FXYD2: variants seen among roughly 807,000 people sequenced by gnomAD.
FXYD2 encodes the protein sodium/potassium-transporting ATPase subunit gamma.
A neutral mutation model predicts 11.8 loss-of-function variants in FXYD2; 8 were observed. The observed-to-expected ratio is 0.68, with a 90% confidence interval of 0.40 to 1.22. The LOEUF (loss-of-function observed/expected upper bound fraction) is 1.22, where lower values mean the gene tolerates loss of function less well. Among genes scored for constraint, FXYD2 ranks in the 50% most tolerant of loss-of-function variants. The probability of loss-of-function intolerance (pLI) is 0.01; values close to 1 mark genes in which losing one functional copy is unlikely to be tolerated. For synonymous variants in FXYD2, 42 were observed against 33.3 expected (o/e 1.26, Z -0.90); for missense variants, 92 against 91.8 (o/e 1.00, Z -0.01).
chr11:117,827,063 G>A (rs2056055616), upstream of FXYD2, among the ~76,000 whole-genome samples: 1 of 148,306 alleles, frequency 6.7e-6, no homozygotes. Context: ...CCAACAGATG[G>A]ATGGATAGAT....
rs1164864928 is a variant in FXYD2 at position 117,822,694 on chromosome 11, C to G, written c.49G>C (p.Asp17His). 1 of 1,610,536 alleles carries G rather than the reference C, an allele frequency of 6.2e-7. No homozygotes were observed. Among genetic ancestry groups the G allele is most frequent in the East Asian group, 2.2e-5 (1 of 44,746 alleles). Residue 17 changes from aspartate (D) to histidine (H), a missense_variant, in exon 2 of 6, where the codon GAC becomes CAC. Physicochemically the swap from Asp to His is moderately conservative, Grantham distance 81 (BLOSUM62 -1). Transcript: ENST00000292079. The surrounding 1 kb of genome is among the most constrained non-coding windows in gnomAD (Gnocchi z 4.7). The part of the protein sequence containing the change: ...DGGGSPKGDV[D>H]PFYYDYETVR... ...CCAGGCTTACCATAGTAGAACGGGT[C>G]CACGTCCCCCTTGGGGCTGCCGCCT...
chr11:117,820,995 A>G, intron 3 of FXYD2, 100 bp from the exon 4 acceptor site: 2 of 1,555,756 alleles, frequency 1.3e-6, no homozygotes, highest in Admixed American at 1.7e-5. Context: ...CCCTCCTGCC[A>G]GTATCATCGC....
upstream of FXYD2, among the ~76,000 whole-genome samples, chr11:117,827,216 T>C (rs1047939303): frequency 6.6e-6 from 1 of 152,214 alleles, no homozygotes; most frequent in African/African-American, 2.4e-5. Flanking sequence ...TTTTAAACTC[T>C]GTGTGCAAGG....
At chr11:117,821,573 G>C (rs1565300486) in intron 3 of FXYD2, 1 of 985,882 alleles carries the variant, frequency 1.0e-6, no homozygotes, top group Non-Finnish European at 1.2e-6. Flanking sequence ...CCCTTGCTTA[G>C]GCCACCTGCC....
At chr11:117,826,778 G>GTCTGTCTATCTGTCTGTCTA (rs1344802450), upstream of FXYD2, among the ~76,000 whole-genome samples, 1 of 125,780 alleles carries the variant, frequency 8.0e-6, no homozygotes, top group East Asian at 2.3e-4. Flanking sequence ...CTGTCTGTCT[G>GTCTGTCTATCTGTCTGTCTA]TCTATCTATC....
chr11:117,822,807 G>C lies in FXYD2; in HGVS notation c.26-90C>G. The C allele has an allele frequency of 6.6e-7, 1 of 1,525,416 alleles. No homozygotes were observed. The highest frequency in any genetic ancestry group is 1.2e-5 in the South Asian group (1 of 84,632). 94.5% of individuals were successfully genotyped at this position (1,525,416 alleles called of 1,614,324 possible). A position where few individuals can be genotyped will look rare whatever the true frequency, so the allele number is the denominator to read the frequency against. ...GGAATTCCCTGTCCTTCCCTTCCCA[G>C]AGGACCCTCGAGGGTCCAAGCAGGC... On this transcript the variant is annotated intron_variant, in intron 1 of 5. Coordinates refer to ENST00000292079, the MANE Select transcript of FXYD2 (RefSeq NM_001680.5). The surrounding 1 kb of genome is among the most constrained non-coding windows in gnomAD (Gnocchi z 4.7).
upstream of FXYD2, chr11:117,824,783 A>T: frequency 7.1e-7 from 1 of 1,405,590 alleles, no homozygotes; most frequent in Non-Finnish European, 9.9e-7. The surrounding 1 kb of genome is among the most constrained non-coding windows in gnomAD (Gnocchi z 4.0). Flanking sequence ...AGGTGCGGGC[A>T]TTAAACATTA....
chr11:117,823,854 C>T (rs2055973123), intron 1 of FXYD2, among the ~76,000 whole-genome samples: 1 of 152,198 alleles, frequency 6.6e-6, no homozygotes, highest in Non-Finnish European at 1.5e-5. Flanking sequence ...AGTCCCTGGG[C>T]CAGGAAAGGA....
At chr11:117,826,413 A>G (rs1322576855), upstream of FXYD2, among the ~76,000 whole-genome samples, 2 of 152,190 alleles carry the variant, frequency 1.3e-5, no homozygotes, top group Non-Finnish European at 2.9e-5. Context: ...CTTAATTCCT[A>G]CTAATGGCGT....
chr11:117,826,246 A>G (rs1030921411), upstream of FXYD2, among the ~76,000 whole-genome samples: 1 of 152,210 alleles, frequency 6.6e-6, no homozygotes, highest in Admixed American at 6.5e-5. Flanking sequence ...AGTGAGACGG[A>G]GAGAATGGCA....
At position 117,822,674 on chromosome 11, in the gene FXYD2, C is replaced by T. The variant is rs368479505; in HGVS notation, c.64+5G>A. 5 of 1,609,832 alleles carry T rather than the reference C, an allele frequency of 3.1e-6. No homozygotes were observed. The Admixed American group carries it at 8.4e-5, about 27-fold the overall frequency. On this transcript the variant is annotated splice_donor_5th_base_variant and intron_variant, in intron 2 of 5. Transcript: ENST00000292079. The surrounding 1 kb of genome is among the most constrained non-coding windows in gnomAD (Gnocchi z 4.7). Reference sequence around the variant, plus strand: ...CAGGAAGGGTGCGCAGGGGCCCAGGCTTACCATAGTAGAACGGGTCCACGT... The same window carrying T: ...CAGGAAGGGTGCGCAGGGGCCCAGGTTTACCATAGTAGAACGGGTCCACGT...
rs1213389361 is a variant in FXYD2 at position 117,824,158 on chromosome 11, C to G, written c.25+496G>C. On this transcript the variant is annotated intron_variant, in intron 1 of 5. Coordinates refer to ENST00000292079, the MANE Select transcript of FXYD2 (RefSeq NM_001680.5). The surrounding 1 kb of genome is among the most constrained non-coding windows in gnomAD (Gnocchi z 4.0). ...CCCCTTTCTGCATCTGGCTCAAAAC[C>G]CACCTCTGTCAGCAAGTGCCCCTCT... The G allele has an allele frequency of 5.0e-6, 1 of 199,336 alleles. No homozygotes were observed. Among genetic ancestry groups the G allele is most frequent in the Non-Finnish European group, 1.0e-5 (1 of 95,344 alleles). The allele number at this position is 199,336 out of a possible 1,614,324, so 12.3% of individuals were successfully genotyped here.
chr11:117,820,890 T>C lies in FXYD2; in HGVS notation c.145A>G (p.Arg49Gly), dbSNP rs570509942. The C allele has an allele frequency of 2.5e-6, 4 of 1,613,574 alleles. No individual in the cohort carries two copies. In the South Asian group the frequency reaches 3.3e-5, roughly 13 times the overall value. Residue 49 changes from arginine (R) to glycine (G), a missense_variant, in exon 4 of 6, where the codon AGA (arginine) becomes GGA (glycine). Physicochemically the swap from Arg to Gly is moderately radical, Grantham distance 125 (BLOSUM62 -2). Coordinates refer to ENST00000292079, the MANE Select transcript of FXYD2 (RefSeq NM_001680.5). ...TTCTTATTGCCCCCACAGCGGAATC[T>C]TCTGCCTTGAAAAGAGAAAAGGAGA... The part of the protein sequence containing the change: ...IVGLLILLSR[R>G]FRCGGNKKRR...
upstream of FXYD2, among the ~76,000 whole-genome samples, chr11:117,825,406 C>T (rs2056013663): frequency 6.6e-6 from 1 of 152,254 alleles, no homozygotes. Flanking sequence ...TTTGGCCTGG[C>T]TCTCGGATTG....
upstream of FXYD2, among the ~76,000 whole-genome samples, chr11:117,826,566 A>G (rs1444018239): frequency 6.6e-6 from 1 of 152,180 alleles, no homozygotes; most frequent in Non-Finnish European, 1.5e-5. Context: ...GGCAAACTGG[A>G]GGTAGAAAGC....
intron 4 of FXYD2, 75 bp downstream of exon 4, chr11:117,820,784 C>T (rs1395572681): frequency 1.9e-6 from 3 of 1,613,560 alleles, no homozygotes; most frequent in Non-Finnish European, 2.5e-6. Flanking sequence ...TCCACTGTGT[C>T]AGAGACAAAA....
chr11:117,826,480 G>A (rs566332361), upstream of FXYD2, among the ~76,000 whole-genome samples: 4 of 152,258 alleles, frequency 2.6e-5, no homozygotes, highest in South Asian at 6.2e-4. Flanking sequence ...GCCCCTGGAC[G>A]TGGCCAGGGC....
At chr11:117,827,342 C>T (rs1024279841), upstream of FXYD2, among the ~76,000 whole-genome samples, 2 of 152,134 alleles carry the variant, frequency 1.3e-5, no homozygotes, top group Non-Finnish European at 1.5e-5. Flanking sequence ...CTCCGCCTCC[C>T]GGGTTCAAGT....
Position 117,821,469 on chromosome 11 carries a change from G to A in FXYD2, c.140-574C>T, listed in dbSNP as rs11827753. On this transcript the variant is annotated intron_variant, in intron 3 of 5. Transcript: ENST00000292079. ...ATCCACGGTGGTCTGTTGGCATATCGAGAGTAGCAGCAGAGACTGGGCCAT... is the reference window on the plus strand; with the variant it reads ...ATCCACGGTGGTCTGTTGGCATATCAAGAGTAGCAGCAGAGACTGGGCCAT... 95 of 986,304 alleles carry A rather than the reference G, an allele frequency of 9.6e-5. No homozygotes were observed. In the African/African-American group the frequency reaches 1.5e-3, roughly 16 times the overall value. The allele number at this position is 986,304 out of a possible 1,614,324, so 61.1% of individuals were successfully genotyped here. A position where few individuals can be genotyped will look rare whatever the true frequency, so the allele number is the denominator to read the frequency against.
Sources: gnomAD v4.1 joint callset for allele counts (sites outside exome capture counted in the v4.1 genomes callset) on GRCh38, gnomAD v4.1.1 for gene constraint, Gnocchi (gnomAD v3.1) non-coding constraint, MANE v1.5 for transcripts, NCBI Gene and HGNC (gene_info 2026-07-23, HGNC 2026-07-21) for gene names.